Variants in ADAMTSL1 observed in about 807,000 individuals in gnomAD.
ADAMTSL1 encodes the protein ADAMTS-like protein 1.
ADAMTSL1 carries 126 observed loss-of-function variants against 201.8 expected under a neutral mutation model. The ratio of observed to expected loss-of-function variants is 0.62; its 90% confidence interval spans 0.54 to 0.72. The LOEUF is 0.72. Among genes scored for constraint, ADAMTSL1 ranks in the 30% least tolerant of loss-of-function variants. ADAMTSL1 has a pLI of 0.00. For synonymous variants in ADAMTSL1, 1,121 were observed against 903.4 expected (o/e 1.24, Z -4.32); for missense variants, 2,679 against 2,277.8 (o/e 1.18, Z -3.59).
At chr9:18,380,360 C>A (rs1227533043) in intron 2 of ADAMTSL1, among the ~76,000 whole-genome samples, 1 of 151,940 alleles carries the variant, frequency 6.6e-6, no homozygotes, top group Non-Finnish European at 1.5e-5. Flanking sequence ...GGGGAAGAAG[C>A]AGAATGAACG....
At chr9:18,000,704 T>A (rs953777304) in intron 1 of ADAMTSL1, among the ~76,000 whole-genome samples, 1 of 152,054 alleles carries the variant, frequency 6.6e-6, no homozygotes. Flanking sequence ...CAGATTTTGG[T>A]TATCTTGAAC....
At chr9:17,984,898 G>T (rs2131477345) in intron 1 of ADAMTSL1, among the ~76,000 whole-genome samples, 1 of 152,208 alleles carries the variant, frequency 6.6e-6, no homozygotes, top group African/African-American at 2.4e-5. Context: ...AATTTTAAAT[G>T]TTACTTAAAT....
chr9:17,915,680 A>C (rs1362976129), intron 1 of ADAMTSL1, among the ~76,000 whole-genome samples: 1 of 152,224 alleles, frequency 6.6e-6, no homozygotes, highest in Non-Finnish European at 1.5e-5. Flanking sequence ...GCAGAATGAG[A>C]GTTCCAGTTC....
chr9:18,177,724 C>T (rs1356182551), intron 2 of ADAMTSL1, among the ~76,000 whole-genome samples: 1 of 152,110 alleles, frequency 6.6e-6, no homozygotes, highest in Non-Finnish European at 1.5e-5. Context: ...TGTAAGAGAT[C>T]TTCCGGTTGC....
intron 26 of ADAMTSL1, among the ~76,000 whole-genome samples, chr9:18,896,040 G>C (rs1829615708): frequency 6.6e-6 from 1 of 151,060 alleles, no homozygotes; most frequent in African/African-American, 2.4e-5. Context: ...AAGATAGATA[G>C]GCCAATAAAA....
At chr9:18,432,205 A>G (rs1819524160) in intron 2 of ADAMTSL1, among the ~76,000 whole-genome samples, 1 of 152,170 alleles carries the variant, frequency 6.6e-6, no homozygotes, top group South Asian at 2.1e-4. Context: ...TGTGTCTTTA[A>G]TCAAATCACT....
At chr9:18,743,685 T>C (rs1818972439) in intron 15 of ADAMTSL1, among the ~76,000 whole-genome samples, 1 of 152,198 alleles carries the variant, frequency 6.6e-6, no homozygotes, top group Admixed American at 6.5e-5. Context: ...GCCGTGCAAG[T>C]TACTGTTTGA....
chr9:18,433,620 C>A (rs1042115231), intron 2 of ADAMTSL1, among the ~76,000 whole-genome samples: 1 of 152,030 alleles, frequency 6.6e-6, no homozygotes, highest in African/African-American at 2.4e-5. Flanking sequence ...GAATTCAAGG[C>A]AAAATTTGAA....
intron 1 of ADAMTSL1, among the ~76,000 whole-genome samples, chr9:17,929,309 C>G (rs1400578024): frequency 6.6e-6 from 1 of 152,014 alleles, no homozygotes; most frequent in South Asian, 2.1e-4. Flanking sequence ...GACATTTTAT[C>G]CTAATCCACT....
At chr9:18,267,969 C>A (rs1832205828) in intron 2 of ADAMTSL1, among the ~76,000 whole-genome samples, 1 of 152,030 alleles carries the variant, frequency 6.6e-6, no homozygotes. Flanking sequence ...CTCATAATCT[C>A]ATAAGGTACA....
chr9:18,111,344 T>C (rs1476886567), intron 1 of ADAMTSL1, among the ~76,000 whole-genome samples: 1 of 152,204 alleles, frequency 6.6e-6, no homozygotes, highest in African/African-American at 2.4e-5. Flanking sequence ...GTTTTGTCAG[T>C]CTCTTTTTCA....
chr9:18,305,530 T>C (rs1587512609), intron 2 of ADAMTSL1, among the ~76,000 whole-genome samples: 1 of 152,238 alleles, frequency 6.6e-6, no homozygotes, highest in African/African-American at 2.4e-5. Context: ...GGGAGGGGCA[T>C]CCGCCATTAC....
intron 14 of ADAMTSL1, among the ~76,000 whole-genome samples, chr9:18,710,440 C>G (rs1286302326): frequency 6.6e-6 from 1 of 152,148 alleles, no homozygotes; most frequent in Non-Finnish European, 1.5e-5. Context: ...AGGCCTAGAG[C>G]CTTGTTTTAG....
At chr9:18,203,461 T>C (rs1323390102) in intron 2 of ADAMTSL1, among the ~76,000 whole-genome samples, 2 of 151,444 alleles carry the variant, frequency 1.3e-5, no homozygotes, top group Non-Finnish European at 2.9e-5. Flanking sequence ...TTGACTAGTA[T>C]AGAAAGGCAG....
chr9:18,760,511 G>A (rs903841067), intron 16 of ADAMTSL1, among the ~76,000 whole-genome samples: 6 of 152,170 alleles, frequency 3.9e-5, no homozygotes, highest in Non-Finnish European at 7.3e-5. Context: ...TTACCAGGAA[G>A]CCCTTTCTCC....
At chr9:18,547,638 A>AG (rs1820553033) in intron 3 of ADAMTSL1, among the ~76,000 whole-genome samples, 1 of 149,798 alleles carries the variant, frequency 6.7e-6, no homozygotes. Context: ...ATATATAAAA[A>AG]AAAAAAAAAA....
intron 23 of ADAMTSL1, among the ~76,000 whole-genome samples, chr9:18,867,969 C>G (rs2131447766): frequency 6.6e-6 from 1 of 152,276 alleles, no homozygotes; most frequent in Non-Finnish European, 1.5e-5. Flanking sequence ...AGACACACAC[C>G]CATGTATTCA....
chr9:18,305,928 A>C (rs763096171), intron 2 of ADAMTSL1, among the ~76,000 whole-genome samples: 1 of 152,160 alleles, frequency 6.6e-6, no homozygotes, highest in Non-Finnish European at 1.5e-5. Context: ...ACCTCCCAGC[A>C]GGGCTCAATA....
intron 2 of ADAMTSL1, among the ~76,000 whole-genome samples, chr9:18,417,367 G>GAAAAAAAAAAAAAAAAAAAAAAAAAAA (rs80226819): frequency 1.5e-5 from 1 of 64,694 alleles, no homozygotes; most frequent in East Asian, 3.7e-4. Flanking sequence ...AAGTAAGCAG[G>GAAAAAAAAAAAAAAAAAAAAAAAAAAA]AAAAAAAAAA....
Sources: gnomAD v4.1 joint callset for allele counts (sites outside exome capture counted in the v4.1 genomes callset) on GRCh38, gnomAD v4.1.1 for gene constraint, MANE v1.5 for transcripts, NCBI Gene and HGNC (gene_info 2026-07-23, HGNC 2026-07-21) for gene names.